The following SLC39A14 variants were observed in gnomAD, a reference collection of about 807,000 sequenced individuals.
The protein encoded by SLC39A14 is solute carrier family 39 member 14.
SLC39A14 carries 19 observed loss-of-function variants against 45.5 expected under a neutral mutation model. That is an observed-to-expected ratio of 0.42 (90% CI 0.29 to 0.61). The LOEUF (loss-of-function observed/expected upper bound fraction) is 0.61. Ranked by LOEUF, SLC39A14 falls within the 20% of genes least tolerant of loss-of-function variation. The probability of loss-of-function intolerance (pLI) is 0.22; values close to 1 mark genes in which losing one functional copy is unlikely to be tolerated. For synonymous variants in SLC39A14, 264 were observed against 251.3 expected, an observed-to-expected ratio of 1.05 and a Z score of -0.48; for missense variants, 447 against 616.5, an observed-to-expected ratio of 0.73 and a Z score of 2.91.
At chr8:22,400,006 C>T (rs1834761726) in intron 1 of SLC39A14, among the ~76,000 whole-genome samples, 3 of 152,162 alleles carry the variant, frequency 2.0e-5, no homozygotes, top group Admixed American at 6.5e-5. Flanking sequence ...CTACCTAGGG[C>T]CGTCCCCTCA....
At chr8:22,417,509 C>T (rs1017997496) in intron 7 of SLC39A14, 142 bp from the exon 8 acceptor site, 13 of 693,406 alleles carry the variant, frequency 1.9e-5, no homozygotes, top group South Asian at 3.7e-5. Flanking sequence ...CTCACTTTGT[C>T]GCCAGGCTGG....
Position 22,421,510 on chromosome 8 carries a change from A to G in SLC39A14, c.*1812A>G. On this transcript the variant is annotated 3_prime_UTR_variant, in exon 9 of 9. Transcript: ENST00000381237. ...TGATTTCCTGGTGGGATTATGGTCC[A>G]GTTTTACCAAAGAACCAATTCCTTG... 1 of 985,538 alleles carries G rather than the reference A, an allele frequency of 1.0e-6. No homozygotes were observed. Among genetic ancestry groups the G allele is most frequent in the East Asian group, 1.1e-4 (1 of 8,816 alleles). 61.0% of individuals were successfully genotyped at this position (985,538 alleles called of 1,614,324 possible).
intron 1 of SLC39A14, among the ~76,000 whole-genome samples, chr8:22,387,667 G>C (rs975164242): frequency 1.4e-4 from 21 of 152,208 alleles, no homozygotes; most frequent in African/African-American, 4.8e-4. Flanking sequence ...GTCTGGCCCT[G>C]AGTGAGAGCT....
chr8:22,411,840 A>C (rs1272081569), intron 3 of SLC39A14, 197 bp from the exon 4 acceptor site: 4 of 565,066 alleles, frequency 7.1e-6, no homozygotes, highest in South Asian at 4.7e-5. Flanking sequence ...ATCACTAACA[A>C]ATTTTCTATT....
intron 3 of SLC39A14, chr8:22,411,802 T>C: frequency 3.9e-6 from 2 of 516,714 alleles, no homozygotes; most frequent in Middle Eastern, 5.3e-4. Flanking sequence ...TCTTCTGAAC[T>C]GATTGAAGGA....
At position 22,398,767 on chromosome 8, in the gene SLC39A14, G is replaced by C. The variant is rs562995203; in HGVS notation, c.-15-5929G>C. ...AGGACAGAAGTGCCGCTTCTAGGCA[G>C]AGCTACTTCTGGACCAAGTGAAGGG... On this transcript the variant is annotated intron_variant, in intron 1 of 8. Coordinates refer to ENST00000381237, the MANE Select transcript of SLC39A14 (RefSeq NM_001128431.4). The C allele has an allele frequency of 1.1e-5, 11 of 985,322 alleles. No homozygotes were observed. In the South Asian group the frequency reaches 4.7e-4, roughly 42 times the overall value. 61.0% of individuals were successfully genotyped at this position (985,322 alleles called of 1,614,324 possible).
Position 22,415,884 on chromosome 8 carries a change from A to T in SLC39A14, c.866A>T (p.His289Leu). ...GACCTGGACCACATGATTCCTCAGCACTGCAGCAGTGAGCTGGACGGCAAG... is the reference window on the plus strand; with the variant it reads ...GACCTGGACCACATGATTCCTCAGCTCTGCAGCAGTGAGCTGGACGGCAAG... ...NGDLDHMIPQ[H>L]CSSELDGKAP... Residue 289 changes from histidine to leucine, a missense_variant, in exon 6 of 9, where the codon CAC (histidine) becomes CTC (leucine). His to Leu is a moderately conservative substitution (Grantham distance 99). Transcript: ENST00000381237. 1 of 1,612,754 alleles carries T rather than the reference A, an allele frequency of 6.2e-7. No individual in the cohort carries two copies. The highest frequency in any genetic ancestry group is 8.5e-7 in the Non-Finnish European group (1 of 1,179,610).
intron 1 of SLC39A14, among the ~76,000 whole-genome samples, chr8:22,370,929 G>A (rs766640225): frequency 2.0e-5 from 3 of 152,158 alleles, no homozygotes; most frequent in Non-Finnish European, 4.4e-5. Flanking sequence ...CCGCCCCATC[G>A]ACTGTCGCCA....
At chr8:22,389,485 G>A (rs1056282366) in intron 1 of SLC39A14, among the ~76,000 whole-genome samples, 1 of 152,094 alleles carries the variant, frequency 6.6e-6, no homozygotes, top group Non-Finnish European at 1.5e-5. Flanking sequence ...CTGGGGGCAG[G>A]TGGTCTTGGC....
intron 1 of SLC39A14, chr8:22,379,352 G>C (rs947043989): frequency 1.3e-5 from 2 of 150,658 alleles, no homozygotes; most frequent in Non-Finnish European, 2.9e-5. Flanking sequence ...CTAGATTCAG[G>C]GTTGTGGGAA....
chr8:22,423,557 G>A (rs1002712902), downstream of SLC39A14, among the ~76,000 whole-genome samples: 1 of 151,876 alleles, frequency 6.6e-6, no homozygotes, highest in Non-Finnish European at 1.5e-5. Context: ...GGATGGTCTC[G>A]ATCTCCTGAC....
At chr8:22,408,714 C>T (rs966012516) in intron 3 of SLC39A14, among the ~76,000 whole-genome samples, 1 of 152,040 alleles carries the variant, frequency 6.6e-6, no homozygotes, top group African/African-American at 2.4e-5. Context: ...CCGTAGCTGG[C>T]GAATGTTCAG....
At chr8:22,429,811 T>G (rs1379176193) in intron 8 of SLC39A14, among the ~76,000 whole-genome samples, 1 of 152,058 alleles carries the variant, frequency 6.6e-6, no homozygotes, top group Non-Finnish European at 1.5e-5. Context: ...TGAGGGGAAA[T>G]AAACAAAAAC....
downstream of SLC39A14, among the ~76,000 whole-genome samples, chr8:22,425,889 G>GTTTTTTTTTTTT (rs549782856): frequency 2.9e-4 from 22 of 76,270 alleles, no homozygotes; most frequent in East Asian, 4.2e-3. Context: ...GATGGTTTTT[G>GTTTTTTTTTTTT]TTTTTTTTTT....
intron 1 of SLC39A14, among the ~76,000 whole-genome samples, chr8:22,370,819 T>A (rs1435221040): frequency 1.3e-5 from 2 of 152,170 alleles, no homozygotes; most frequent in Admixed American, 6.5e-5. Flanking sequence ...AGGGACCTGC[T>A]GCTCAGCCCA....
At position 22,404,906 on chromosome 8, in the gene SLC39A14, C is replaced by T; in HGVS notation, c.196C>T (p.Leu66Phe). The change falls in exon 2 of 9, where the codon CTC becomes TTC. Residue 66 changes from leucine to phenylalanine, a missense_variant. This residue lies in a region of SLC39A14 where 342 missense variants were observed against 428.1 expected (regional missense o/e 0.80). Coordinates refer to ENST00000381237, the MANE Select transcript of SLC39A14 (RefSeq NM_001128431.4). ...CACTCTGCAGCAGCTGAAGGCCCTACTCAACCACCTGGATGTGGGAGTGGG... is the reference window on the plus strand; with the variant it reads ...CACTCTGCAGCAGCTGAAGGCCCTATTCAACCACCTGGATGTGGGAGTGGG... ...SLTLQQLKAL[L>F]NHLDVGVGRG... The T allele has an allele frequency of 6.2e-7, 1 of 1,614,198 alleles. No individual in the cohort carries two copies. The highest frequency in any genetic ancestry group is 8.5e-7 in the Non-Finnish European group (1 of 1,180,030).
At position 22,421,957 on chromosome 8, in the gene SLC39A14, A is replaced by T; in HGVS notation, c.*2259A>T. 1.0e-6 allele frequency: 1 copy of T among 985,474 alleles called. No individual in the cohort carries two copies. Among genetic ancestry groups the T allele is most frequent in the Non-Finnish European group, 1.2e-6 (1 of 829,936 alleles). 61.0% of individuals were successfully genotyped at this position (985,474 alleles called of 1,614,324 possible). A position where few individuals can be genotyped will look rare whatever the true frequency, so the allele number is the denominator to read the frequency against. ...ATCCTCTTTAAACCGTAGTTGGCGC[A>T]GAGGTCAGTCCTAGTCGGAGCTTAG... On this transcript the variant is annotated 3_prime_UTR_variant, in exon 9 of 9. Transcript: ENST00000381237.
chr8:22,392,469 G>A (rs1834132127), intron 1 of SLC39A14, among the ~76,000 whole-genome samples: 2 of 152,146 alleles, frequency 1.3e-5, no homozygotes, highest in Non-Finnish European at 2.9e-5. Flanking sequence ...AACAAGCCGG[G>A]AAGTTCTGCT....
At chr8:22,391,407 A>C (rs7844699) in intron 1 of SLC39A14, among the ~76,000 whole-genome samples, 45,678 of 152,020 alleles carry the variant, frequency 0.3, 7,144 homozygotes, top group East Asian at 0.5. Context: ...GCTAGCTTTT[A>C]GTTCAATTAA....
Sources: gnomAD v4.1 joint callset for allele counts (sites outside exome capture counted in the v4.1 genomes callset) on GRCh38, gnomAD v4.1.1 for gene constraint, gnomAD v4.1.1 regional missense constraint, MANE v1.5 for transcripts, NCBI Gene and HGNC (gene_info 2026-07-23, HGNC 2026-07-21) for gene names.